BNC2: variants seen among roughly 807,000 people sequenced by gnomAD.
BNC2 encodes the protein basonuclin zinc finger protein 2.
Under a neutral mutation model 76.3 loss-of-function variants are expected in BNC2, and 20 were observed. The observed-to-expected ratio is 0.26, with a 90% confidence interval of 0.18 to 0.38. BNC2 has a LOEUF of 0.38. Ranked by LOEUF, BNC2 falls within the 10% of genes least tolerant of loss-of-function variation. BNC2 has a pLI of 1.00. For missense variants in BNC2, 1,382 were observed against 1,399.8 expected (o/e 0.99, Z 0.20); for synonymous variants, 582 against 514.8 (o/e 1.13, Z -1.77).
At chr9:16,799,733 G>C (rs996507124) in intron 1 of BNC2, among the ~76,000 whole-genome samples, 8 of 152,120 alleles carry the variant, frequency 5.3e-5, no homozygotes, top group African/African-American at 1.7e-4. Context: ...AGCCCAGTAA[G>C]GTAATCACCC....
chr9:16,861,451 A>G (rs1819408917), intron 1 of BNC2, among the ~76,000 whole-genome samples: 2 of 152,096 alleles, frequency 1.3e-5, no homozygotes, highest in East Asian at 1.9e-4. Flanking sequence ...CTCAGAATAT[A>G]TAAACAGCAC....
intron 1 of BNC2, among the ~76,000 whole-genome samples, chr9:16,784,013 A>C (rs1826217386): frequency 6.6e-6 from 1 of 152,192 alleles, no homozygotes; most frequent in African/African-American, 2.4e-5. Flanking sequence ...ATAGCATCCG[A>C]TTTTTCCAGT....
At chr9:16,612,411 G>A (rs1029952749) in intron 3 of BNC2, among the ~76,000 whole-genome samples, 5 of 152,088 alleles carry the variant, frequency 3.3e-5, no homozygotes, top group South Asian at 2.1e-4. Context: ...TAGAGAACTA[G>A]GCATTCATAT....
chr9:16,521,511 G>A (rs1817618756), intron 5 of BNC2, among the ~76,000 whole-genome samples: 1 of 152,162 alleles, frequency 6.6e-6, no homozygotes, highest in Admixed American at 6.5e-5. Context: ...CATCATTAGA[G>A]AAGAAAATAT....
chr9:16,580,159 A>T (rs992513382), intron 4 of BNC2: 8 of 398,424 alleles, frequency 2.0e-5, no homozygotes, highest in African/African-American at 1.4e-4. Context: ...CTGTGCAGAG[A>T]GAGGGAATGA....
chr9:16,533,040 T>G (rs577867777), intron 5 of BNC2, among the ~76,000 whole-genome samples: 1 of 152,358 alleles, frequency 6.6e-6, no homozygotes, highest in African/African-American at 2.4e-5. Flanking sequence ...TAAGACTTTA[T>G]TTGTAAATAT....
rs535188848 is a variant in BNC2, at chr9:16,847,841, G to A, written c.3+22805C>T. Among the ~76,000 whole-genome samples, 329 of 152,144 alleles carry A rather than the reference G, an allele frequency of 2.2e-3. 1 individual carries two copies. Among genetic ancestry groups the A allele is most frequent in the Non-Finnish European group, 3.0e-3 (202 of 68,036 alleles). ...ATGTGCGGTAGATGTGTAAACAGTT[G>A]ATTATTTAAAATAAAGTATGATTAA... On this transcript the variant is annotated intron_variant, in intron 1 of 6. Coordinates refer to ENST00000380672, the MANE Select transcript of BNC2 (RefSeq NM_017637.6).
intron 1 of BNC2, among the ~76,000 whole-genome samples, chr9:16,859,006 C>CA (rs1333760652): frequency 1.3e-5 from 2 of 151,668 alleles, no homozygotes; most frequent in African/African-American, 4.8e-5. Flanking sequence ...AACTCAACAA[C>CA]AACAAAAAAA....
intron 3 of BNC2, among the ~76,000 whole-genome samples, chr9:16,692,418 T>C (rs1006363832): frequency 6.6e-6 from 1 of 152,216 alleles, no homozygotes; most frequent in African/African-American, 2.4e-5. Context: ...CTCAGTTACG[T>C]ATCTCCGAGC....
intron 5 of BNC2, among the ~76,000 whole-genome samples, chr9:16,520,583 G>C (rs1198856366): frequency 6.6e-6 from 1 of 152,162 alleles, no homozygotes; most frequent in East Asian, 1.9e-4. Flanking sequence ...GAGAGCAAGA[G>C]ATAGGACATT....
At chr9:16,516,162 C>G (rs1817418514) in intron 5 of BNC2, among the ~76,000 whole-genome samples, 1 of 152,164 alleles carries the variant, frequency 6.6e-6, no homozygotes, top group South Asian at 2.1e-4. Flanking sequence ...AACTGTGCTT[C>G]CAGCCCCAGG....
intron 3 of BNC2, among the ~76,000 whole-genome samples, chr9:16,714,886 A>T (rs1200526560): frequency 6.6e-6 from 1 of 152,228 alleles, no homozygotes; most frequent in Non-Finnish European, 1.5e-5. Flanking sequence ...AATTTCTTTT[A>T]AAGAGACCCT....
chr9:16,717,713 T>G (rs1360449488), intron 3 of BNC2, among the ~76,000 whole-genome samples: 1 of 152,210 alleles, frequency 6.6e-6, no homozygotes, highest in Admixed American at 6.5e-5. Flanking sequence ...TTACTGTCAC[T>G]TAACTCCTTC....
Position 16,634,583 on chromosome 9 carries a change from G to A in BNC2, c.331-51498C>T, listed in dbSNP as rs763149259. 2.0e-5 allele frequency among the ~76,000 whole-genome samples: 3 copies of A among 148,424 alleles called. No individual in the cohort carries two copies. The South Asian group carries it at 6.4e-4, about 31-fold the overall frequency. ...GTGGCGCAATCTCTGCTCACTGCAA[G>A]CTCTGCCTCCCGGATTCACACCATT... On this transcript the variant is annotated intron_variant, in intron 3 of 6. Transcript: ENST00000380672.
rs530763078 is a variant in BNC2 at position 16,645,613 on chromosome 9, C to T, written c.331-62528G>A. On this transcript the variant is annotated intron_variant, in intron 3 of 6. Coordinates refer to ENST00000380672, the MANE Select transcript of BNC2 (RefSeq NM_017637.6). ...CAGATCTGGAATCACATCCTTGTCC[C>T]ATCACAGCACAAGAGTTGTATAACC... Among the ~76,000 whole-genome samples the T allele has an allele frequency of 5.3e-5, 8 of 152,162 alleles. No individual in the cohort carries two copies. The East Asian group carries it at 1.5e-3, about 29-fold the overall frequency.
Position 16,418,901 on chromosome 9 carries a change from C to CACA in BNC2, c.*87_*88insTGT. 4 of 985,740 alleles carry CACA rather than the reference C, an allele frequency of 4.1e-6. No homozygotes were observed. The highest frequency in any genetic ancestry group is 1.6e-5 in the South Asian group (1 of 62,440). The allele number at this position is 985,740 out of a possible 1,614,324, so 61.1% of individuals were successfully genotyped here. A position where few individuals can be genotyped will look rare whatever the true frequency, so the allele number is the denominator to read the frequency against. ...CACACACACACACACACACACACAC[C>CACA]CCAAGTACATAAGCGCACACTGACT... On this transcript the variant is annotated 3_prime_UTR_variant, in exon 7 of 7. Coordinates refer to ENST00000380672, the MANE Select transcript of BNC2 (RefSeq NM_017637.6).
Position 16,690,257 on chromosome 9 carries a change from G to A in BNC2, c.330+37540C>T, listed in dbSNP as rs547587746. ...ACATGTAATCCTAGCACTTAGGGAG[G>A]TCAAGGCAGGAGACCAGGAGTTCTA... On this transcript the variant is annotated intron_variant, in intron 3 of 6. Coordinates refer to ENST00000380672, the MANE Select transcript of BNC2 (RefSeq NM_017637.6). 4.6e-5 allele frequency among the ~76,000 whole-genome samples: 7 copies of A among 152,236 alleles called. No homozygotes were observed. In the East Asian group the frequency reaches 9.7e-4, roughly 21 times the overall value.
At chr9:16,863,057 G>A (rs977986515) in intron 1 of BNC2, among the ~76,000 whole-genome samples, 1 of 151,870 alleles carries the variant, frequency 6.6e-6, no homozygotes, top group African/African-American at 2.4e-5. Context: ...TGGGATTATA[G>A]GTGCCCGCCA....
intron 1 of BNC2, among the ~76,000 whole-genome samples, chr9:16,848,435 T>C (rs901123830): frequency 9.2e-5 from 14 of 152,188 alleles, no homozygotes; most frequent in African/African-American, 2.7e-4. Flanking sequence ...GCAAAACAGC[T>C]AGACGTTATA....
Sources: allele counts gnomAD v4.1 joint callset (sites outside exome capture counted in the v4.1 genomes callset), GRCh38; gene constraint gnomAD v4.1.1; transcripts MANE v1.5; gene names NCBI Gene and HGNC (gene_info 2026-07-23, HGNC 2026-07-21).